The following ZNF420 variants were observed in gnomAD, a reference collection of about 807,000 sequenced individuals.
The protein encoded by ZNF420 is ATM and p53-associated KZNF protein.
Under a neutral mutation model 44.7 loss-of-function variants are expected in ZNF420, and 31 were observed. That is an observed-to-expected ratio of 0.69 (90% CI 0.52 to 0.94). The LOEUF (loss-of-function observed/expected upper bound fraction) is 0.94, where lower values mean the gene tolerates loss of function less well. Among genes scored for constraint, ZNF420 ranks in the 40% least tolerant of loss-of-function variants. ZNF420 has a pLI of 0.00. For missense variants in ZNF420, 681 were observed against 827.9 expected (o/e 0.82, Z 2.18); for synonymous variants, 245 against 267.4 (o/e 0.92, Z 0.82).
At chr19:37,101,615 G>A (rs1969781183) in intron 4 of ZNF420, among the ~76,000 whole-genome samples, 1 of 152,264 alleles carries the variant, frequency 6.6e-6, no homozygotes, top group Admixed American at 6.5e-5. Context: ...CCTTGAGCCT[G>A]TAACCACTGC....
intron 1 of ZNF420, among the ~76,000 whole-genome samples, chr19:37,041,466 G>A (rs571989591): frequency 1.5e-4 from 23 of 152,002 alleles, no homozygotes; most frequent in African/African-American, 5.6e-4. Flanking sequence ...TGCATTTTTT[G>A]AGCACTGGAA....
At chr19:37,090,629 A>G (rs1253242216) in intron 3 of ZNF420, among the ~76,000 whole-genome samples, 1 of 150,154 alleles carries the variant, frequency 6.7e-6, no homozygotes, top group Non-Finnish European at 1.5e-5. Flanking sequence ...CCATTGAAAA[A>G]GTATTTTTTT....
At chr19:37,035,750 CA>C (rs1967343409) in intron 1 of ZNF420, among the ~76,000 whole-genome samples, 1 of 152,038 alleles carries the variant, frequency 6.6e-6, no homozygotes, top group Non-Finnish European at 1.5e-5. Context: ...GTGGAGAAAA[CA>C]TATGTAAGGG....
intron 4 of ZNF420, among the ~76,000 whole-genome samples, chr19:37,113,239 T>C (rs1202731876): frequency 1.3e-5 from 2 of 152,078 alleles, no homozygotes; most frequent in Non-Finnish European, 2.9e-5. Flanking sequence ...TTATCTGTTC[T>C]TGTAGTAGTT....
intron 4 of ZNF420, among the ~76,000 whole-genome samples, chr19:37,122,983 G>T (rs911122533): frequency 6.6e-6 from 1 of 152,038 alleles, no homozygotes; most frequent in Non-Finnish European, 1.5e-5. Flanking sequence ...TCCCTCCCAG[G>T]TCTGCCCCAT....
intron 2 of ZNF420, 75 bp from the exon 3 acceptor site, chr19:37,088,964 C>T: frequency 1.4e-6 from 1 of 708,192 alleles, no homozygotes; most frequent in East Asian, 2.6e-5. Context: ...AAAAGAACAA[C>T]AAAGATAATT....
intron 2 of ZNF420, among the ~76,000 whole-genome samples, chr19:37,080,652 G>T (rs1343076016): frequency 1.3e-5 from 2 of 152,094 alleles, no homozygotes; most frequent in Non-Finnish European, 2.9e-5. Flanking sequence ...AAAAGGGAAA[G>T]AGCTCTATTG....
At position 37,127,655 on chromosome 19, in the gene ZNF420, C is replaced by A. The variant is rs1971427958; in HGVS notation, c.664C>A (p.Pro222Thr). Residue 222 changes from proline (P) to threonine (T), a missense_variant, in exon 5 of 5, where the codon CCA (proline) becomes ACA (threonine). Pro to Thr is a conservative substitution (Grantham distance 38). This residue lies in a region of ZNF420 where 350 missense variants were observed against 382.5 expected (regional missense o/e 0.92). Transcript: ENST00000337995. ...TCATAGAATTCATACTGGTGAAAAA[C>A]CATATAAATGTGAAGAATGTGGGAA... ...LHHRIHTGEK[P>T]YKCEECGKAF... 2 of 1,613,808 alleles carry A rather than the reference C, an allele frequency of 1.2e-6. No individual in the cohort carries two copies.
At chr19:37,087,681 T>C (rs1044875194) in intron 2 of ZNF420, among the ~76,000 whole-genome samples, 7 of 152,220 alleles carry the variant, frequency 4.6e-5, no homozygotes, top group Admixed American at 2.0e-4. Context: ...AGTCTCACTC[T>C]GTCGCCCAGG....
chr19:37,026,214 G>A (rs147014139), intron 1 of ZNF420, among the ~76,000 whole-genome samples: 103 of 151,982 alleles, frequency 6.8e-4, no homozygotes, highest in African/African-American at 2.4e-3. Flanking sequence ...CTGGAGTGCA[G>A]TGGCACCATC....
intron 1 of ZNF420, among the ~76,000 whole-genome samples, chr19:37,051,733 G>C (rs931979850): frequency 1.3e-5 from 2 of 152,092 alleles, no homozygotes; most frequent in Non-Finnish European, 2.9e-5. Context: ...GTTCTGCTCT[G>C]ATCTTAGGTG....
chr19:37,064,231 G>A (rs1324582049), intron 1 of ZNF420, among the ~76,000 whole-genome samples: 2 of 152,116 alleles, frequency 1.3e-5, no homozygotes, highest in Non-Finnish European at 2.9e-5. Context: ...AATTAGTAAA[G>A]ATTTTATGGG....
At chr19:37,045,932 G>T (rs1967534788) in intron 1 of ZNF420, among the ~76,000 whole-genome samples, 1 of 152,174 alleles carries the variant, frequency 6.6e-6, no homozygotes, top group Non-Finnish European at 1.5e-5. Flanking sequence ...ATGCATAACT[G>T]TAGGTGAAAG....
At chr19:37,011,606 C>G (rs942232375) in intron 1 of ZNF420, among the ~76,000 whole-genome samples, 1 of 152,084 alleles carries the variant, frequency 6.6e-6, no homozygotes, top group Admixed American at 6.5e-5. Context: ...GCAGGTGTAG[C>G]AAAATGTGGC....
intron 4 of ZNF420, among the ~76,000 whole-genome samples, chr19:37,115,970 T>C (rs997750524): frequency 3.3e-5 from 5 of 152,150 alleles, no homozygotes; most frequent in African/African-American, 1.2e-4. Flanking sequence ...ACATCCTGCA[T>C]AGCCCTAAAT....
chr19:37,009,988 G>T (rs1048331629), intron 1 of ZNF420, among the ~76,000 whole-genome samples: 1 of 152,162 alleles, frequency 6.6e-6, no homozygotes, highest in Admixed American at 6.5e-5. Flanking sequence ...CGCTGCAGCA[G>T]GAGCCCCTAC....
chr19:37,069,002 A>G (rs1339695890), intron 1 of ZNF420, among the ~76,000 whole-genome samples: 1 of 146,502 alleles, frequency 6.8e-6, no homozygotes, highest in Non-Finnish European at 1.5e-5. Flanking sequence ...AGATATGGCG[A>G]GATATTATAC....
In ZNF420 at chr19:37,036,323, T is replaced by A. The variant is rs962393102; in HGVS notation, c.-125+28241T>A. 2.0e-5 allele frequency among the ~76,000 whole-genome samples: 3 copies of A among 152,218 alleles called. No individual in the cohort carries two copies. In the South Asian group the frequency reaches 6.2e-4, roughly 32 times the overall value. On this transcript the variant is annotated intron_variant, in intron 1 of 4. Coordinates refer to the ZNF420 transcript ENST00000587029. ...ATTTGATCACTACATATTGTATGCA[T>A]GTATCAAAATATCACATGTACCCTA...
chr19:37,128,038 A>G lies in ZNF420; in HGVS notation c.1047A>G (p.Leu349=), dbSNP rs1317723319. ...ECGRAFIRGS[L]LMQHQRIHTG... ...GAAGGGCCTTTATTCGGGGCTCACT[A>G]CTGATGCAACATCAGAGGATTCATA... The change falls in exon 5 of 5, where the codon CTA becomes CTG. Residue 349 remains leucine, a synonymous_variant. Coordinates refer to ENST00000337995, the MANE Select transcript of ZNF420 (RefSeq NM_144689.5). 1.2e-6 allele frequency: 2 copies of G among 1,613,688 alleles called. No homozygotes were observed. The highest frequency in any genetic ancestry group is 1.6e-4 in the Middle Eastern group (1 of 6,080).
Sources: allele counts gnomAD v4.1 joint callset (sites outside exome capture counted in the v4.1 genomes callset), GRCh38; gene constraint gnomAD v4.1.1; regional missense constraint gnomAD v4.1.1; transcripts MANE v1.5; gene names NCBI Gene and HGNC (gene_info 2026-07-23, HGNC 2026-07-21).